Variants in CTNND2 observed in about 807,000 individuals in gnomAD.
The protein encoded by CTNND2 is catenin delta-2.
In CTNND2, 22 loss-of-function variants were observed where a neutral mutation model predicts 144.4. The observed-to-expected ratio is 0.15, with a 90% CI of 0.11 to 0.22. The LOEUF (loss-of-function observed/expected upper bound fraction) is 0.22. Among genes scored for constraint, CTNND2 ranks in the 10% least tolerant of loss-of-function variants. The probability of loss-of-function intolerance (pLI) is 1.00; values close to 1 mark genes in which losing one functional copy is unlikely to be tolerated. For synonymous variants in CTNND2, 751 were observed against 695.6 expected (o/e 1.08, Z -1.25); for missense variants, 1,353 against 1,618.8 (o/e 0.84, Z 2.82).
At chr5:11,580,249 G>C (rs1778318983) in intron 2 of CTNND2, among the ~76,000 whole-genome samples, 2 of 152,142 alleles carry the variant, frequency 1.3e-5, no homozygotes. Flanking sequence ...TGGGGAAATA[G>C]AGAGATAGAC....
intron 2 of CTNND2, among the ~76,000 whole-genome samples, chr5:11,662,762 T>C (rs889234350): frequency 6.6e-6 from 1 of 152,102 alleles, no homozygotes; most frequent in African/African-American, 2.4e-5. Context: ...GCACCCTCTA[T>C]GAGATGGGAC....
rs984702391 is a variant in CTNND2, at chr5:11,362,278, G to A, written c.1372+2418C>T. 2.5e-4 allele frequency among the ~76,000 whole-genome samples: 38 copies of A among 152,154 alleles called. 1 individual carries two copies. Among genetic ancestry groups the A allele is most frequent in the Non-Finnish European group, 1.5e-5 (1 of 68,038 alleles). ...CTTTGTAATCTCCATTTTTATGGGT[G>A]TTATTCTAGACAGAATTTAATAATA... On this transcript the variant is annotated intron_variant, in intron 8 of 21. Coordinates refer to ENST00000304623, the MANE Select transcript of CTNND2 (RefSeq NM_001332.4).
intron 2 of CTNND2, among the ~76,000 whole-genome samples, chr5:11,731,913 T>C (rs1445486967): frequency 6.6e-6 from 1 of 152,192 alleles, no homozygotes; most frequent in Non-Finnish European, 1.5e-5. Flanking sequence ...ATTATAAAGT[T>C]GTTTTTCTTC....
chr5:11,046,858 A>G (rs548133353), intron 16 of CTNND2, among the ~76,000 whole-genome samples: 1 of 152,150 alleles, frequency 6.6e-6, no homozygotes, highest in African/African-American at 2.4e-5. Context: ...ACAAACAACA[A>G]CAAAAAAACA....
In CTNND2 at chr5:11,204,805, C is replaced by G. The variant is rs555652723; in HGVS notation, c.1762-5144G>C. Among the ~76,000 whole-genome samples, 38 of 152,194 alleles carry G rather than the reference C, an allele frequency of 2.5e-4. 1 individual carries two copies. The East Asian group carries it at 4.6e-3, about 19-fold the overall frequency. On this transcript the variant is annotated intron_variant, in intron 10 of 21. Coordinates refer to ENST00000304623, the MANE Select transcript of CTNND2 (RefSeq NM_001332.4). ...CAATAGAATTCCTCTCGGGAGGTAT[C>G]TGTCTTTATTTAAAAAAAAAATACT...
At chr5:11,764,148 T>C (rs1789442157) in intron 1 of CTNND2, among the ~76,000 whole-genome samples, 1 of 151,860 alleles carries the variant, frequency 6.6e-6, no homozygotes, top group Non-Finnish European at 1.5e-5. Context: ...GAAGAAGGAA[T>C]GATGTAATTG....
chr5:11,155,704 C>T (rs1299152164), intron 12 of CTNND2, among the ~76,000 whole-genome samples: 1 of 152,134 alleles, frequency 6.6e-6, no homozygotes, highest in East Asian at 1.9e-4. Context: ...AGGCCTCCAA[C>T]AAAATTTAAG....
chr5:11,386,140 T>A (rs1561317036), intron 6 of CTNND2: 1 of 152,220 alleles, frequency 6.6e-6, no homozygotes, highest in Non-Finnish European at 1.5e-5. Context: ...CAAATTTGCA[T>A]TCGAATGAAA....
At chr5:11,145,475 C>T (rs1230807260) in intron 12 of CTNND2, among the ~76,000 whole-genome samples, 3 of 152,086 alleles carry the variant, frequency 2.0e-5, no homozygotes, top group Non-Finnish European at 4.4e-5. Context: ...AGGATGCCTG[C>T]TCCTCTGAGC....
intron 5 of CTNND2, among the ~76,000 whole-genome samples, chr5:11,404,296 T>C (rs1760887533): frequency 6.6e-6 from 1 of 152,136 alleles, no homozygotes; most frequent in Non-Finnish European, 1.5e-5. Flanking sequence ...TGAGAAAAGG[T>C]GCTCTACTCT....
intron 16 of CTNND2, among the ~76,000 whole-genome samples, chr5:11,023,433 C>A (rs1742503573): frequency 6.6e-6 from 1 of 152,202 alleles, no homozygotes; most frequent in Admixed American, 6.5e-5. Flanking sequence ...ACATAACCCT[C>A]AAAAATACCT....
At chr5:11,449,255 C>A (rs1765102320) in intron 3 of CTNND2, among the ~76,000 whole-genome samples, 1 of 152,076 alleles carries the variant, frequency 6.6e-6, no homozygotes, top group African/African-American at 2.4e-5. Flanking sequence ...TAAGAGAAAC[C>A]TACGCTTTTG....
chr5:11,506,578 CTA>C (rs1165541680), intron 3 of CTNND2, among the ~76,000 whole-genome samples: 3 of 152,210 alleles, frequency 2.0e-5, no homozygotes, highest in Non-Finnish European at 2.9e-5. Flanking sequence ...ATAAAGGTAA[CTA>C]TGTGAGACGA....
intron 3 of CTNND2, among the ~76,000 whole-genome samples, chr5:11,515,928 C>T (rs932430037): frequency 6.6e-6 from 1 of 152,004 alleles, no homozygotes; most frequent in African/African-American, 2.4e-5. Flanking sequence ...AGCAAGAACC[C>T]ATCTCTACTA....
chr5:11,584,531 C>A (rs1778685020), intron 2 of CTNND2, among the ~76,000 whole-genome samples: 2 of 151,660 alleles, frequency 1.3e-5, no homozygotes, highest in Non-Finnish European at 2.9e-5. Flanking sequence ...TATTTACACA[C>A]TGGAGAAGAT....
intron 2 of CTNND2, among the ~76,000 whole-genome samples, chr5:11,601,204 G>A (rs896172926): frequency 6.6e-5 from 10 of 152,138 alleles, no homozygotes; most frequent in Admixed American, 6.5e-4. Flanking sequence ...ATGTTGAGCA[G>A]CAAAATATTT....
chr5:11,508,159 C>T (rs26165), intron 3 of CTNND2, among the ~76,000 whole-genome samples: 92,539 of 152,026 alleles, frequency 0.61, 29,118 homozygotes, highest in African/African-American at 0.75. Flanking sequence ...TCCATAGAAA[C>T]AATTCAGCTA....
intron 9 of CTNND2, among the ~76,000 whole-genome samples, chr5:11,310,435 C>G (rs1236328510): frequency 6.6e-6 from 1 of 151,974 alleles, no homozygotes; most frequent in Non-Finnish European, 1.5e-5. Flanking sequence ...ACTCTGTTCT[C>G]TAAGGTCTAA....
At chr5:11,143,602 A>C in intron 12 of CTNND2, among the ~76,000 whole-genome samples, 1 of 152,216 alleles carries the variant, frequency 6.6e-6, no homozygotes, top group Admixed American at 6.5e-5. Flanking sequence ...CATCCTAATG[A>C]CTTCATCTAA....
Sources: allele counts gnomAD v4.1 joint callset (sites outside exome capture counted in the v4.1 genomes callset), GRCh38; gene constraint gnomAD v4.1.1; transcripts MANE v1.5; gene names NCBI Gene and HGNC (gene_info 2026-07-23, HGNC 2026-07-21).